The following GLT1D1 variants were observed in gnomAD, a reference collection of about 807,000 sequenced individuals.
GLT1D1 encodes the protein glycosyltransferase 1 domain-containing protein 1.
A neutral mutation model predicts 28.7 loss-of-function variants in GLT1D1; 21 were observed. The observed-to-expected ratio is 0.73, with a 90% CI of 0.52 to 1.05. GLT1D1 has a LOEUF of 1.05. Ranked by LOEUF, GLT1D1 falls within the 50% of genes least tolerant of loss-of-function variation. The pLI is 0.00. For missense variants in GLT1D1, 343 were observed against 330.6 expected (o/e 1.04, Z -0.29); for synonymous variants, 147 against 124.8 (o/e 1.18, Z -1.19).
chr12:128,957,372 T>G (rs1877411059), intron 6 of GLT1D1, among the ~76,000 whole-genome samples, 173 bp from the exon 11 acceptor site: 2 of 152,184 alleles, frequency 1.3e-5, no homozygotes, highest in African/African-American at 2.4e-5. Context: ...AACTCAGATG[T>G]ATTTTGAAAA....
At chr12:128,915,836 A>G (rs1336119472) in intron 4 of GLT1D1, among the ~76,000 whole-genome samples, 1 of 152,258 alleles carries the variant, frequency 6.6e-6, no homozygotes, top group African/African-American at 2.4e-5. Context: ...ATGTCAGTAG[A>G]ATAGAGTGAA....
intron 4 of GLT1D1, among the ~76,000 whole-genome samples, chr12:128,942,844 G>A (rs1478319807): frequency 4.7e-5 from 7 of 150,064 alleles, no homozygotes; most frequent in Admixed American, 2.7e-4. Context: ...TCCACCTTCC[G>A]GGTTCAAGTG....
At chr12:128,972,007 G>A (rs1326836842) in intron 7 of GLT1D1, among the ~76,000 whole-genome samples, 1 of 125,218 alleles carries the variant, frequency 8.0e-6, no homozygotes, top group Non-Finnish European at 1.9e-5. Context: ...GGTTTTCCCT[G>A]ACTCTCTGTC....
At chr12:128,905,431 G>A (rs1212741662) in intron 4 of GLT1D1, among the ~76,000 whole-genome samples, 1 of 152,132 alleles carries the variant, frequency 6.6e-6, no homozygotes, top group Non-Finnish European at 1.5e-5. Context: ...ACACATGAAC[G>A]GACATGTGCC....
At chr12:128,862,408 C>G (rs1956405176) in intron 1 of GLT1D1, among the ~76,000 whole-genome samples, 1 of 150,750 alleles carries the variant, frequency 6.6e-6, no homozygotes, top group Non-Finnish European at 1.5e-5. Context: ...GTAATCCCAA[C>G]ACGTTGGGAG....
intron 3 of GLT1D1, among the ~76,000 whole-genome samples, chr12:128,896,665 C>T (rs972112135): frequency 6.0e-5 from 9 of 150,636 alleles, no homozygotes. Flanking sequence ...CTGCAACCTC[C>T]GCCTCCCAGG....
chr12:128,949,542 C>T (rs1480125734), intron 6 of GLT1D1, among the ~76,000 whole-genome samples: 3 of 152,088 alleles, frequency 2.0e-5, no homozygotes, highest in Admixed American at 1.3e-4. Flanking sequence ...AGCATAGAAA[C>T]GTCCCATTTG....
At chr12:128,891,603 C>A (rs1869065887) in intron 3 of GLT1D1, among the ~76,000 whole-genome samples, 1 of 152,140 alleles carries the variant, frequency 6.6e-6, no homozygotes, top group African/African-American at 2.4e-5. Context: ...CACTTCAAGT[C>A]TTTATGTAGC....
chr12:128,980,692 C>A (rs916965512), intron 7 of GLT1D1, among the ~76,000 whole-genome samples: 11 of 152,200 alleles, frequency 7.2e-5, no homozygotes, highest in African/African-American at 2.7e-4. Context: ...TTTGCTTTAC[C>A]TGGTGGTCTC....
rs1184865653 is a variant in GLT1D1, at chr12:128,912,471, T to A, written c.375+13184T>A. 5 of 1,468,266 alleles carry A rather than the reference T, an allele frequency of 3.4e-6. No homozygotes were observed. Among genetic ancestry groups the A allele is most frequent in the Admixed American group, 4.2e-5 (2 of 47,962 alleles). 91.0% of individuals were successfully genotyped at this position (1,468,266 alleles called of 1,614,324 possible). ...ATGTCCAGAGTCAAGGTAAGATTTTTAAAATATTTATTTACTTATGTACAG... is the reference window on the plus strand; with the variant it reads ...ATGTCCAGAGTCAAGGTAAGATTTTAAAAATATTTATTTACTTATGTACAG... On this transcript the variant is annotated intron_variant, in intron 4 of 7. Transcript: ENST00000281703.
intron 1 of GLT1D1, among the ~76,000 whole-genome samples, chr12:128,874,045 C>T (rs1286576383): frequency 3.0e-5 from 2 of 67,576 alleles, no homozygotes; most frequent in East Asian, 3.8e-4. Context: ...CCCTCCCTGC[C>T]TCCCTCCCTC....
At chr12:128,887,138 A>G (rs1255655212) in intron 2 of GLT1D1, among the ~76,000 whole-genome samples, 2 of 151,346 alleles carry the variant, frequency 1.3e-5, no homozygotes, top group Non-Finnish European at 2.9e-5. Context: ...CAGCCTTCGG[A>G]GTAGGTCGGA....
chr12:128,912,754 C>A (rs1217288853), intron 4 of GLT1D1, among the ~76,000 whole-genome samples: 1 of 151,878 alleles, frequency 6.6e-6, no homozygotes, highest in Non-Finnish European at 1.5e-5. Context: ...CCTCTGCCTC[C>A]TGGGTTAAAG....
chr12:128,859,538 A>G (rs2135756079), intron 1 of GLT1D1, among the ~76,000 whole-genome samples: 1 of 152,262 alleles, frequency 6.6e-6, no homozygotes, highest in Non-Finnish European at 1.5e-5. Flanking sequence ...TGTAGTGCAC[A>G]GGGCAGCCCC....
intron 7 of GLT1D1, among the ~76,000 whole-genome samples, chr12:128,970,952 T>A (rs1003461099): frequency 6.6e-6 from 1 of 152,254 alleles, no homozygotes; most frequent in Non-Finnish European, 1.5e-5. Context: ...GAAGGGATGA[T>A]TATGCCCCGG....
chr12:128,892,451 C>T (rs1253458095), intron 3 of GLT1D1, among the ~76,000 whole-genome samples: 1 of 152,208 alleles, frequency 6.6e-6, no homozygotes, highest in African/African-American at 2.4e-5. Flanking sequence ...GTTGGTAATG[C>T]ACTGCCTTAC....
At position 128,983,338 on chromosome 12, in the gene GLT1D1, T is replaced by C; in HGVS notation, c.*248T>C. ...GAGGTGCATGAGTGACTGGGTTGAC[T>C]GGGACAGGGAAAGGGGAACTGGTTT... is the stretch of plus-strand genomic sequence containing the variant. On this transcript the variant is annotated 3_prime_UTR_variant, in exon 8 of 8. Transcript: ENST00000281703. The surrounding 1 kb of genome is among the most constrained non-coding windows in gnomAD (Gnocchi z 4.7). 1 of 455,072 alleles carries C rather than the reference T, an allele frequency of 2.2e-6. No homozygotes were observed. The highest frequency in any genetic ancestry group is 3.9e-6 in the Non-Finnish European group (1 of 253,840). The allele number at this position is 455,072 out of a possible 1,614,324, so 28.2% of individuals were successfully genotyped here.
At chr12:128,888,872 G>A (rs1868703495) in intron 3 of GLT1D1, 128 bp downstream of exon 3, 1 of 608,418 alleles carries the variant, frequency 1.6e-6, no homozygotes, top group Non-Finnish European at 2.9e-6. Flanking sequence ...CCAATTTCAT[G>A]TAACCTTTTC....
chr12:128,977,673 G>C (rs1364470621), intron 7 of GLT1D1, among the ~76,000 whole-genome samples: 1 of 151,832 alleles, frequency 6.6e-6, no homozygotes, highest in African/African-American at 2.4e-5. Flanking sequence ...GGTGAGGCTT[G>C]TTTTAAACTC....
Sources: gnomAD v4.1 joint callset for allele counts (sites outside exome capture counted in the v4.1 genomes callset) on GRCh38, gnomAD v4.1.1 for gene constraint, Gnocchi (gnomAD v3.1) non-coding constraint, MANE v1.5 for transcripts, NCBI Gene and HGNC (gene_info 2026-07-23, HGNC 2026-07-21) for gene names.